The following LIPM variants were observed in gnomAD, a reference collection of about 807,000 sequenced individuals.
LIPM encodes lipase family member M.
In LIPM, 42 loss-of-function variants were observed where a neutral mutation model predicts 42.4. That is an observed-to-expected ratio of 0.99 (90% CI 0.77 to 1.28). The LOEUF (loss-of-function observed/expected upper bound fraction) is 1.28. Ranked by LOEUF, LIPM falls within the 50% of genes most tolerant of loss-of-function variation. The pLI is 0.00. For missense variants in LIPM, 524 were observed against 520.1 expected, an observed-to-expected ratio of 1.01 and a Z score of -0.07; for synonymous variants, 177 against 173.3, an observed-to-expected ratio of 1.02 and a Z score of -0.17.
In LIPM at chr10:88,814,614, C is replaced by T. The variant is rs769750406; in HGVS notation, c.549C>T (p.Val183=). 1.9e-5 allele frequency: 30 copies of T among 1,551,686 alleles called. No individual in the cohort carries two copies. In the South Asian group the frequency reaches 2.4e-4, roughly 12 times the overall value. Residue 183 remains valine, a synonymous_variant, in exon 4 of 9, where the codon GTC becomes GTT. Transcript: ENST00000404743. ...CGGGCCAGGAAAAGATCTATTATGT[C>T]GGCTATTCACAGGGCACCACCATGG... The part of the protein sequence containing the change: ...QKTGQEKIYY[V]GYSQGTTMGF...
In LIPM at chr10:88,817,678, G is replaced by A. The variant is rs2133062624; in HGVS notation, c.931-147G>A. The A allele has an allele frequency of 1.4e-5, 8 of 571,612 alleles. 1 individual carries two copies. The highest frequency in any genetic ancestry group is 8.3e-4 in the Middle Eastern group (2 of 2,408). 35.4% of individuals were successfully genotyped at this position (571,612 alleles called of 1,614,324 possible). A position where few individuals can be genotyped will look rare whatever the true frequency, so the allele number is the denominator to read the frequency against. ...TCTTGTCTTACCATTTTCCTGAGAC[G>A]CTTATCCCAACATTGAATGGAAGAG... On this transcript the variant is annotated intron_variant, in intron 7 of 8. Coordinates refer to ENST00000404743, the MANE Select transcript of LIPM (RefSeq NM_001128215.1).
intron 7 of LIPM, 60 bp from the exon 8 acceptor site, chr10:88,817,765 C>T: frequency 8.4e-7 from 1 of 1,185,360 alleles, no homozygotes. Context: ...ATTTCCACCA[C>T]CCCACCACGC....
Position 88,815,130 on chromosome 10 carries a change from T to C in LIPM, c.617T>C (p.Ile206Thr). 1 of 1,550,848 alleles carries C rather than the reference T, an allele frequency of 6.4e-7. No individual in the cohort carries two copies. The highest frequency in any genetic ancestry group is 8.7e-7 in the Non-Finnish European group (1 of 1,146,702). Reference sequence around the variant, plus strand: ...ACCATGCCAGAGCTGGCTCAGAAAATCAAAATGTATTTTGCTTTAGCACCC... The same window carrying C: ...ACCATGCCAGAGCTGGCTCAGAAAACCAAAATGTATTTTGCTTTAGCACCC... ...FSTMPELAQK[I>T]KMYFALAPIA... Residue 206 changes from isoleucine (I) to threonine (T), a missense_variant, in exon 5 of 9, where the codon ATC becomes ACC. Ile to Thr is a moderately conservative substitution (Grantham distance 89, BLOSUM62 -1). Coordinates refer to ENST00000404743, the MANE Select transcript of LIPM (RefSeq NM_001128215.1).
intron 6 of LIPM, among the ~76,000 whole-genome samples, chr10:88,815,807 T>C (rs1303373370): frequency 6.6e-6 from 1 of 152,186 alleles, no homozygotes; most frequent in African/African-American, 2.4e-5. Flanking sequence ...CAGAGACAAC[T>C]GTCATGCATC....
chr10:88,811,934 C>A (rs926520926), intron 2 of LIPM, among the ~76,000 whole-genome samples: 1 of 152,162 alleles, frequency 6.6e-6, no homozygotes, highest in Non-Finnish European at 1.5e-5. Flanking sequence ...GTGTTTAATT[C>A]GTAGTCTATA....
chr10:88,807,397 C>T (rs995441125), intron 1 of LIPM, among the ~76,000 whole-genome samples: 6 of 152,108 alleles, frequency 3.9e-5, no homozygotes, highest in Non-Finnish European at 7.4e-5. Flanking sequence ...GATGTTTGGC[C>T]TTCTCTCTTG....
At chr10:88,806,706 G>A (rs1323364741) in intron 1 of LIPM, among the ~76,000 whole-genome samples, 1 of 151,884 alleles carries the variant, frequency 6.6e-6, no homozygotes, top group East Asian at 1.9e-4. Context: ...TTTTCTTTGA[G>A]ATGGAGTCTC....
intron 7 of LIPM, 127 bp from the exon 8 acceptor site, chr10:88,817,698 G>C: frequency 1.6e-6 from 1 of 616,628 alleles, no homozygotes; most frequent in Non-Finnish European, 2.9e-6. Flanking sequence ...ACATTGAATG[G>C]AAGAGCAGCT....
At chr10:88,811,505 T>C (rs1280378054) in intron 2 of LIPM, among the ~76,000 whole-genome samples, 1 of 152,210 alleles carries the variant, frequency 6.6e-6, no homozygotes. Context: ...TTATTAATCT[T>C]TCAGCCAAAT....
At position 88,814,615 on chromosome 10, in the gene LIPM, G is replaced by A. The variant is rs546873976; in HGVS notation, c.550G>A (p.Gly184Ser). ...GGGCCAGGAAAAGATCTATTATGTC[G>A]GCTATTCACAGGGCACCACCATGGG... ...KTGQEKIYYV[G>S]YSQGTTMGFI... The change falls in exon 4 of 9, where the codon GGC becomes AGC. Residue 184 changes from glycine to serine, a missense_variant. By Grantham distance (56) the Gly-to-Ser change is moderately conservative. Transcript: ENST00000404743. 221 of 1,551,660 alleles carry A rather than the reference G, an allele frequency of 1.4e-4. 1 individual carries two copies. The East Asian group carries it at 2.3e-3, about 16-fold the overall frequency.
intron 1 of LIPM, among the ~76,000 whole-genome samples, chr10:88,803,388 T>G (rs763268679): frequency 8.9e-4 from 135 of 152,288 alleles, no homozygotes; most frequent in Middle Eastern, 3.4e-3. Flanking sequence ...TCTGTACCTT[T>G]TATTCTTTTA....
At chr10:88,811,479 C>T (rs1026124283) in intron 2 of LIPM, among the ~76,000 whole-genome samples, 2 of 152,114 alleles carry the variant, frequency 1.3e-5, no homozygotes, top group East Asian at 1.9e-4. Context: ...TTTTTTACTC[C>T]TAATAGGGCA....
Position 88,802,810 on chromosome 10 carries a change from T to C in LIPM, c.-87T>C, listed in dbSNP as rs1590193282. ...AAGAGGGAATTGCAGCAGGAAAATATGTGAAGAGTTTTTAAACCCACAAAT... is the reference window on the plus strand; with the variant it reads ...AAGAGGGAATTGCAGCAGGAAAATACGTGAAGAGTTTTTAAACCCACAAAT... On this transcript the variant is annotated 5_prime_UTR_variant, in exon 1 of 9. The change abolishes an upstream ATG in the 5' untranslated region. Coordinates refer to ENST00000404743, the MANE Select transcript of LIPM (RefSeq NM_001128215.1). The C allele has an allele frequency of 1.0e-5, 14 of 1,346,334 alleles. No homozygotes were observed. The East Asian group carries it at 3.1e-4, about 30-fold the overall frequency. The allele number at this position is 1,346,334 out of a possible 1,614,324, so 83.4% of individuals were successfully genotyped here.
At position 88,802,973 on chromosome 10, in the gene LIPM, T is replaced by C; in HGVS notation, c.77T>C (p.Met26Thr). 1 of 1,551,454 alleles carries C rather than the reference T, an allele frequency of 6.4e-7. No homozygotes were observed. The highest frequency in any genetic ancestry group is 8.7e-7 in the Non-Finnish European group (1 of 1,146,722). Residue 26 changes from methionine (M) to threonine (T), a missense_variant, in exon 1 of 9, where the codon ATG becomes ACG. Physicochemically the swap from Met to Thr is moderately conservative, Grantham distance 81. Transcript: ENST00000404743. ...EMWLLILVAYMFQRNVNSVHM... is the reference protein window; with the variant it reads ...EMWLLILVAYTFQRNVNSVHM... ...TGGCTTCTGATTCTGGTGGCGTATA[T>C]GTTCCAGAGAAATGTGAATTCAGTA...
rs570098337 is a variant in LIPM at position 88,814,482 on chromosome 10, T to C, written c.465-48T>C. 1.7e-5 allele frequency: 23 copies of C among 1,354,390 alleles called. 1 individual carries two copies. The South Asian group carries it at 2.8e-4, about 16-fold the overall frequency. The allele number at this position is 1,354,390 out of a possible 1,614,324, so 83.9% of individuals were successfully genotyped here. ...CCTGGTGTCGGGGGGAGCTTTTGTTTGTTTCTGATTATAATTTTTCATATA... is the reference window on the plus strand; with the variant it reads ...CCTGGTGTCGGGGGGAGCTTTTGTTCGTTTCTGATTATAATTTTTCATATA... On this transcript the variant is annotated intron_variant, in intron 3 of 8. Coordinates refer to ENST00000404743, the MANE Select transcript of LIPM (RefSeq NM_001128215.1).
chr10:88,803,107 T>C (rs947320396), intron 1 of LIPM, 64 bp downstream of exon 1: 1 of 1,465,012 alleles, frequency 6.8e-7, no homozygotes, highest in African/African-American at 1.4e-5. Flanking sequence ...GTGTATTATT[T>C]ACATTATGTA....
chr10:88,820,524 AG>A lies in LIPM; in HGVS notation c.*25del. The A allele has an allele frequency of 6.5e-7, 1 of 1,542,664 alleles. No individual in the cohort carries two copies. The highest frequency in any genetic ancestry group is 1.2e-5 in the South Asian group (1 of 83,230). On this transcript the variant is annotated 3_prime_UTR_variant, in exon 9 of 9. Coordinates refer to ENST00000404743, the MANE Select transcript of LIPM (RefSeq NM_001128215.1). ...TGAAGCATCTGACACTGACGATCTT[AG>A]GACAACCTCCTGAGGGATGGGGCTA... is the stretch of plus-strand genomic sequence containing the variant.
At chr10:88,811,370 G>GT (rs1172387399) in intron 2 of LIPM, among the ~76,000 whole-genome samples, 1 of 152,120 alleles carries the variant, frequency 6.6e-6, no homozygotes, top group Non-Finnish European at 1.5e-5. Flanking sequence ...CAATAAGGCT[G>GT]TTTTTTACTG....
chr10:88,820,448 A>G lies in LIPM; in HGVS notation c.1219A>G (p.Met407Val), dbSNP rs1438506941. Residue 407 changes from methionine (M) to valine (V), a missense_variant, in exon 9 of 9, where the codon ATG becomes GTG. By Grantham distance (21) the Met-to-Val change is conservative. Coordinates refer to ENST00000404743, the MANE Select transcript of LIPM (RefSeq NM_001128215.1). ...TATGTACAATGAAATCATCCATCTG[A>G]TGCAGCAGGAGGAGACCAACCTTTC... is the stretch of plus-strand genomic sequence containing the variant. ...HRMYNEIIHL[M>V]QQEETNLSQG... 1.3e-6 allele frequency: 2 copies of G among 1,551,832 alleles called. No homozygotes were observed. The highest frequency in any genetic ancestry group is 2.4e-5 in the East Asian group (1 of 40,930).
Sources: allele counts gnomAD v4.1 joint callset (sites outside exome capture counted in the v4.1 genomes callset), GRCh38; gene constraint gnomAD v4.1.1; transcripts MANE v1.5; gene names NCBI Gene and HGNC (gene_info 2026-07-23, HGNC 2026-07-21).